Variants in PMFBP1 observed in about 807,000 individuals in gnomAD.
PMFBP1 encodes polyamine modulated factor 1 binding protein 1.
Under a neutral mutation model 137.8 loss-of-function variants are expected in PMFBP1, and 131 were observed. The observed-to-expected ratio is 0.95, with a 90% CI of 0.82 to 1.10. PMFBP1 has a LOEUF of 1.10. PMFBP1 is among the 50% of genes least tolerant of loss of function. PMFBP1 has a pLI of 0.00. For missense variants in PMFBP1, 1,199 were observed against 1,175.4 expected, an observed-to-expected ratio of 1.02 and a Z score of -0.29; for synonymous variants, 490 against 450.4, an observed-to-expected ratio of 1.09 and a Z score of -1.11.
At chr16:72,228,321 G>C in the PMFBP1 span, among the ~76,000 whole-genome samples, 6 of 152,122 alleles carry the variant, frequency 3.9e-5, no homozygotes, top group African/African-American at 1.2e-4. Flanking sequence ...CAAACTGCTC[G>C]TTCCTGAAAG....
the PMFBP1 span, among the ~76,000 whole-genome samples, chr16:72,245,960 T>A: frequency 1.3e-5 from 2 of 152,124 alleles, no homozygotes; most frequent in South Asian, 4.1e-4. Flanking sequence ...GGGACAAAAA[T>A]AAATGGCAGA....
In PMFBP1 at chr16:72,160,333, A is replaced by T. The variant is rs1388329034; in HGVS notation, c.165+4431T>A. Among the ~76,000 whole-genome samples, 5 of 152,324 alleles carry T rather than the reference A, an allele frequency of 3.3e-5. No individual in the cohort carries two copies. The East Asian group carries it at 9.6e-4, about 29-fold the overall frequency. ...TTGTCCTTTTTCCCTTTTTAAAAAG[A>T]TGAGCACTTCATTTACCCTTTTTCA... On this transcript the variant is annotated intron_variant, in intron 3 of 20. Transcript: ENST00000237353.
intron 5 of PMFBP1, among the ~76,000 whole-genome samples, chr16:72,146,532 C>G (rs756576754): frequency 3.7e-4 from 56 of 151,902 alleles, no homozygotes; most frequent in Admixed American, 3.2e-3. Flanking sequence ...AGGGCAATCA[C>G]GCAAGAGAAA....
At chr16:72,150,559 T>G in intron 5 of PMFBP1, 49 bp downstream of exon 5, 2 of 1,578,978 alleles carry the variant, frequency 1.3e-6, no homozygotes. Flanking sequence ...GGGGACCACC[T>G]GGGAGCACAT....
At chr16:72,137,427 A>G (rs1243599566) in intron 7 of PMFBP1, among the ~76,000 whole-genome samples, 14 of 151,936 alleles carry the variant, frequency 9.2e-5, no homozygotes, top group Admixed American at 4.6e-4. Flanking sequence ...GAAACAGAAG[A>G]GCGAAGGGGA....
At chr16:72,193,022 A>G in the PMFBP1 span, among the ~76,000 whole-genome samples, 1 of 152,184 alleles carries the variant, frequency 6.6e-6, no homozygotes, top group Non-Finnish European at 1.5e-5. Context: ...GCAGCTATAT[A>G]ATACATAACA....
chr16:72,216,317 T>C, the PMFBP1 span, among the ~76,000 whole-genome samples: 2 of 152,326 alleles, frequency 1.3e-5, no homozygotes, highest in Non-Finnish European at 1.5e-5. Context: ...TAGAATTTCT[T>C]TGTCATCACA....
chr16:72,174,999 C>T (rs2043252656), upstream of PMFBP1, among the ~76,000 whole-genome samples: 1 of 152,176 alleles, frequency 6.6e-6, no homozygotes, highest in African/African-American at 2.4e-5. Flanking sequence ...GACACAAACA[C>T]ATGCACACAC....
At chr16:72,199,653 C>CAA in the PMFBP1 span, among the ~76,000 whole-genome samples, 390 of 82,198 alleles carry the variant, frequency 4.7e-3, 8 homozygotes, top group East Asian at 0.01. Context: ...GACTCCGTCT[C>CAA]AAAAAAAAAA....
chr16:72,222,022 G>C, the PMFBP1 span, among the ~76,000 whole-genome samples: 1 of 152,150 alleles, frequency 6.6e-6, no homozygotes, highest in Non-Finnish European at 1.5e-5. Flanking sequence ...CTCCAAAAAA[G>C]AAAACCATTT....
chr16:72,219,400 A>G, the PMFBP1 span, among the ~76,000 whole-genome samples: 1 of 152,166 alleles, frequency 6.6e-6, no homozygotes. Flanking sequence ...GCAGGACGGC[A>G]GGGATGGGAG....
intron 5 of PMFBP1, among the ~76,000 whole-genome samples, chr16:72,140,978 AG>A (rs1315010016): frequency 1.8e-5 from 2 of 113,314 alleles, no homozygotes; most frequent in East Asian, 5.5e-4. Flanking sequence ...TCTGTCGCCC[AG>A]GCTGGAGTGC....
At chr16:72,133,194 A>G (rs2144299609) in intron 9 of PMFBP1, among the ~76,000 whole-genome samples, 1 of 151,822 alleles carries the variant, frequency 6.6e-6, no homozygotes, top group South Asian at 2.1e-4. Context: ...TATTATTGTT[A>G]TTGTTTTTGA....
Position 72,154,640 on chromosome 16 carries a change from A to C in PMFBP1, c.166-181T>G, listed in dbSNP as rs113199828. Among the ~76,000 whole-genome samples the C allele has an allele frequency of 3.0e-4, 46 of 152,310 alleles. 1 individual carries two copies. Among genetic ancestry groups the C allele is most frequent in the African/African-American group, 1.1e-3 (45 of 41,570 alleles). The stretch of plus-strand genomic sequence containing the variant: ...TTCACAAGGAAATGTATCACTTAGT[A>C]TTCCCACTCAGTAAGAAGAATTCAG... On this transcript the variant is annotated intron_variant, in intron 3 of 20. Transcript: ENST00000237353.
At chr16:72,234,140 T>G in the PMFBP1 span, among the ~76,000 whole-genome samples, 2 of 152,304 alleles carry the variant, frequency 1.3e-5, no homozygotes, top group South Asian at 4.1e-4. Context: ...ATTTAACATG[T>G]TGAGAAAGTG....
chr16:72,119,001 A>G (rs956739268), downstream of PMFBP1: 28 of 253,688 alleles, frequency 1.1e-4, no homozygotes, highest in Non-Finnish European at 1.1e-4. Flanking sequence ...GAAGAGACCA[A>G]TATCTCTTAG....
intron 3 of PMFBP1, among the ~76,000 whole-genome samples, chr16:72,159,778 T>C (rs1188883765): frequency 6.7e-6 from 1 of 149,114 alleles, no homozygotes; most frequent in Non-Finnish European, 1.5e-5. Context: ...CACCAACTTA[T>C]TTCCTATTGC....
Position 72,152,844 on chromosome 16 carries a change from C to CAAA in PMFBP1, c.414+1364_414+1366dup, listed in dbSNP as rs34108768. On this transcript the variant is annotated intron_variant, in intron 4 of 20. Coordinates refer to ENST00000237353, the MANE Select transcript of PMFBP1 (RefSeq NM_031293.3). ...TGGGCGACAGATTGAGACTTCGTCT[C>CAAA]AAAAAAAAAAAAAAAAAAAAAAAAG... Among the ~76,000 whole-genome samples the CAAA allele has an allele frequency of 2.9e-4, 19 of 65,024 alleles. 1 individual carries two copies. Among genetic ancestry groups the CAAA allele is most frequent in the Non-Finnish European group, 4.5e-4 (16 of 35,502 alleles). The allele number at this position is 65,024 out of a possible 152,430, so 42.7% of individuals were successfully genotyped here.
rs191441236 is a variant in PMFBP1 at position 72,132,124 on chromosome 16, C to T, written c.1447+624G>A. ...CCTCCAAAAGTGCTGGGATTATAGGCCTGAGCCACCGTGCCTGGGAAATTC... is the reference window on the plus strand; with the variant it reads ...CCTCCAAAAGTGCTGGGATTATAGGTCTGAGCCACCGTGCCTGGGAAATTC... On this transcript the variant is annotated intron_variant, in intron 10 of 20. Coordinates refer to ENST00000237353, the MANE Select transcript of PMFBP1 (RefSeq NM_031293.3). Among the ~76,000 whole-genome samples, 94 of 152,310 alleles carry T rather than the reference C, an allele frequency of 6.2e-4. No individual in the cohort carries two copies. The Middle Eastern group carries it at 0.01, about 17-fold the overall frequency.
Sources: allele counts gnomAD v4.1 joint callset (sites outside exome capture counted in the v4.1 genomes callset), GRCh38; gene constraint gnomAD v4.1.1; transcripts MANE v1.5; gene names NCBI Gene and HGNC (gene_info 2026-07-23, HGNC 2026-07-21).